DNAH14: variants seen among roughly 807,000 people sequenced by gnomAD.
DNAH14 encodes axonemal beta dynein heavy chain 14.
Under a neutral mutation model 520.9 loss-of-function variants are expected in DNAH14, and 478 were observed. The observed-to-expected ratio is 0.92, with a 90% confidence interval of 0.85 to 0.99. The LOEUF (loss-of-function observed/expected upper bound fraction) is 0.99, where lower values mean the gene tolerates loss of function less well. Ranked by LOEUF, DNAH14 falls within the 50% of genes least tolerant of loss-of-function variation. The pLI, the probability that DNAH14 is intolerant of heterozygous loss-of-function variation, is 0.00. For synonymous variants in DNAH14, 1,581 were observed against 1,757.2 expected (o/e 0.90, Z 2.51); for missense variants, 4,831 against 5,234.5 (o/e 0.92, Z 2.38).
chr1:225,381,183 G>A (rs1021809985), intron 80 of DNAH14, among the ~76,000 whole-genome samples, 200 bp from the exon 81 acceptor site: 3 of 152,086 alleles, frequency 2.0e-5, no homozygotes, highest in African/African-American at 7.2e-5. Flanking sequence ...CACTACAAGG[G>A]GAGAGCTGAG....
intron 81 of DNAH14, among the ~76,000 whole-genome samples, chr1:225,387,385 TAATAAATA>T (rs112419260): frequency 6.5e-4 from 99 of 151,812 alleles, no homozygotes; most frequent in African/African-American, 2.1e-3. Flanking sequence ...TAAAGTATAA[TAATAAATA>T]AATAAATAAA....
In DNAH14 at chr1:225,116,012, A is replaced by C. The variant is rs566219461; in HGVS notation, c.3868-1672A>C. Among the ~76,000 whole-genome samples, 7 of 152,362 alleles carry C rather than the reference A, an allele frequency of 4.6e-5. No homozygotes were observed. In the South Asian group the frequency reaches 1.5e-3, roughly 32 times the overall value. On this transcript the variant is annotated intron_variant, in intron 23 of 85. Coordinates refer to ENST00000682510, the MANE Select transcript of DNAH14 (RefSeq NM_001367479.1). The stretch of plus-strand genomic sequence containing the variant: ...GGCAATGATAACTGGTCTTGAAAGA[A>C]ATGTAGGTGTTAAATAGATAAAAGA...
chr1:225,117,251 G>A (rs935606561), intron 23 of DNAH14, among the ~76,000 whole-genome samples: 2 of 152,036 alleles, frequency 1.3e-5, no homozygotes, highest in African/African-American at 4.8e-5. Flanking sequence ...TGGTAACTTA[G>A]TCTATAAAGT....
chr1:225,099,774 T>C (rs4275419), intron 22 of DNAH14, among the ~76,000 whole-genome samples: 19,663 of 151,860 alleles, frequency 0.13, 3,909 homozygotes, highest in African/African-American at 0.43. Flanking sequence ...AATATAGAGG[T>C]TCCTGTTGGG....
At chr1:225,394,193 T>C (rs2095969112) in intron 84 of DNAH14, among the ~76,000 whole-genome samples, 1 of 152,206 alleles carries the variant, frequency 6.6e-6, no homozygotes, top group African/African-American at 2.4e-5. Context: ...TTTAAAATGA[T>C]TATTGATATT....
chr1:225,167,777 GTT>G (rs1559156880), intron 35 of DNAH14, among the ~76,000 whole-genome samples, 160 bp from the exon 36 acceptor site: 1 of 152,106 alleles, frequency 6.6e-6, no homozygotes. Context: ...AGTAGTAATA[GTT>G]TTTACTATTC....
intron 17 of DNAH14, among the ~76,000 whole-genome samples, chr1:225,060,168 G>T (rs879585838): frequency 1.3e-5 from 2 of 151,902 alleles, no homozygotes; most frequent in Non-Finnish European, 2.9e-5. Flanking sequence ...ATGTAGATTT[G>T]GTCTTTTCAC....
chr1:225,023,264 G>T (rs558192381), intron 10 of DNAH14, among the ~76,000 whole-genome samples: 1 of 150,382 alleles, frequency 6.6e-6, no homozygotes, highest in Non-Finnish European at 1.5e-5. Context: ...AAAAAACAAA[G>T]AAACAAATAA....
At chr1:225,185,457 A>G in intron 37 of DNAH14, 32 bp downstream of exon 37, 1 of 1,493,876 alleles carries the variant, frequency 6.7e-7, no homozygotes, top group Non-Finnish European at 8.9e-7. Context: ...ATGTTTCTCT[A>G]TTTGTTCATA....
chr1:225,381,837 G>A (rs78188225), intron 81 of DNAH14, among the ~76,000 whole-genome samples: 1,904 of 152,192 alleles, frequency 0.013, 42 homozygotes, highest in African/African-American at 0.042. Context: ...TGTCAAAGTA[G>A]GTGCACTCTT....
Position 225,123,508 on chromosome 1 carries a change from TA to T in DNAH14, c.4167-16del. 2.4e-6 allele frequency: 1 copy of T among 409,678 alleles called. No individual in the cohort carries two copies. The highest frequency in any genetic ancestry group is 2.0e-5 in the South Asian group (1 of 49,534). The allele number at this position is 409,678 out of a possible 1,614,324, so 25.4% of individuals were successfully genotyped here. A position where few individuals can be genotyped will look rare whatever the true frequency, so the allele number is the denominator to read the frequency against. On this transcript the variant is annotated intron_variant, in intron 26 of 85. Transcript: ENST00000682510. The stretch of plus-strand genomic sequence containing the variant: ...AATGATTAAGTATAAATAACATAAA[TA>T]AATTTTTTAATTTGTAGATTTTTAA...
intron 7 of DNAH14, among the ~76,000 whole-genome samples, chr1:224,970,574 G>GC (rs915919547): frequency 1.3e-5 from 2 of 152,118 alleles, no homozygotes; most frequent in African/African-American, 4.8e-5. Context: ...TGTGATGTCT[G>GC]CCCCGGACAC....
Position 225,007,502 on chromosome 1 carries a change from C to A in DNAH14, c.1065C>A (p.Ile355=), listed in dbSNP as rs1176823633. 1 of 1,537,792 alleles carries A rather than the reference C, an allele frequency of 6.5e-7. No individual in the cohort carries two copies. The part of the protein sequence containing the change: ...ATQALKQLED[I]RNKAISEMKS... ...AGGCATTGAAACAACTTGAGGACATCAGGAATAAAGCAATTTCAGAGATGA... is the reference window on the plus strand; with the variant it reads ...AGGCATTGAAACAACTTGAGGACATAAGGAATAAAGCAATTTCAGAGATGA... The change falls in exon 10 of 86, where the codon ATC becomes ATA. Residue 355 remains isoleucine (I), a synonymous_variant. Transcript: ENST00000682510.
intron 4 of DNAH14, among the ~76,000 whole-genome samples, chr1:224,962,847 A>G (rs939463715): frequency 9.9e-5 from 15 of 152,134 alleles, no homozygotes; most frequent in Non-Finnish European, 1.8e-4. Flanking sequence ...AATTGCCTCC[A>G]TTTTCGAACA....
At chr1:225,076,800 T>G (rs1180094724) in intron 17 of DNAH14, among the ~76,000 whole-genome samples, 1 of 152,150 alleles carries the variant, frequency 6.6e-6, no homozygotes, top group African/African-American at 2.4e-5. Context: ...ATACCTTCTT[T>G]TTTTTTTATT....
chr1:225,035,823 T>G (rs535819721), intron 11 of DNAH14, among the ~76,000 whole-genome samples: 45 of 152,266 alleles, frequency 3.0e-4, no homozygotes, highest in African/African-American at 1.0e-3. Context: ...GGATGAAATG[T>G]TCTGTAAATA....
intron 35 of DNAH14, among the ~76,000 whole-genome samples, chr1:225,165,151 A>G (rs2081924553): frequency 6.6e-6 from 1 of 152,104 alleles, no homozygotes; most frequent in South Asian, 2.1e-4. Flanking sequence ...CCTTTAATAT[A>G]TTAAAATCTC....
At chr1:225,062,626 A>C (rs1241750853) in intron 17 of DNAH14, among the ~76,000 whole-genome samples, 1 of 152,232 alleles carries the variant, frequency 6.6e-6, no homozygotes, top group Admixed American at 6.5e-5. Context: ...GAAAGTTCAC[A>C]AAGATGAATT....
chr1:225,290,590 T>G (rs998221839), intron 55 of DNAH14, among the ~76,000 whole-genome samples: 2 of 146,922 alleles, frequency 1.4e-5, no homozygotes, highest in Non-Finnish European at 3.0e-5. Flanking sequence ...TTTTGTCATA[T>G]ATATATGTGT....
Sources: allele counts gnomAD v4.1 joint callset (sites outside exome capture counted in the v4.1 genomes callset), GRCh38; gene constraint gnomAD v4.1.1; transcripts MANE v1.5; gene names NCBI Gene and HGNC (gene_info 2026-07-23, HGNC 2026-07-21).